Variants in SRGAP2 observed in about 807,000 individuals in gnomAD.
SRGAP2 encodes SLIT-ROBO Rho GTPase activating protein 2.
SRGAP2 carries 15 observed loss-of-function variants against 57.2 expected under a neutral mutation model. The ratio of observed to expected loss-of-function variants is 0.26; its 90% CI spans 0.18 to 0.40. The LOEUF is 0.40. SRGAP2 is among the 10% of genes least tolerant of loss of function. The probability of loss-of-function intolerance (pLI) is 1.00; values close to 1 mark genes in which losing one functional copy is unlikely to be tolerated. For missense variants in SRGAP2, 520 were observed against 669.6 expected (o/e 0.78, Z 2.47); for synonymous variants, 249 against 248.0 (o/e 1.00, Z -0.04).
At chr1:206,445,231 G>A (rs782464255) in intron 17 of SRGAP2, among the ~76,000 whole-genome samples, 4 of 152,202 alleles carry the variant, frequency 2.6e-5, no homozygotes, top group African/African-American at 4.8e-5. Flanking sequence ...ATGCCTGGAC[G>A]GGCAAGGCCC....
chr1:206,409,869 C>T (rs1232987710), intron 10 of SRGAP2, among the ~76,000 whole-genome samples: 22 of 151,056 alleles, frequency 1.5e-4, no homozygotes, highest in African/African-American at 3.7e-4. Flanking sequence ...GAGGCCGAGG[C>T]AGGCGGATCA....
Position 206,462,970 on chromosome 1 carries a change from G to A in SRGAP2, c.*1550G>A, listed in dbSNP as rs1424616692. 6.6e-6 allele frequency: 1 copy of A among 152,186 alleles called. No individual in the cohort carries two copies. The highest frequency in any genetic ancestry group is 2.4e-5 in the African/African-American group (1 of 41,434). The allele number at this position is 152,186 out of a possible 1,614,324, so 9.4% of individuals were successfully genotyped here. A position where few individuals can be genotyped will look rare whatever the true frequency, so the allele number is the denominator to read the frequency against. ...AAGCTGAAACTCATCCTTCTTCTCT[G>A]TGTTTTCTGGTTTAAAAGCTGCACT... On this transcript the variant is annotated 3_prime_UTR_variant, in exon 23 of 23. Transcript: ENST00000573034.
chr1:206,361,428 TGAACAA>T (rs1244691442), intron 4 of SRGAP2, among the ~76,000 whole-genome samples: 1 of 151,078 alleles, frequency 6.6e-6, no homozygotes, highest in African/African-American at 2.5e-5. Flanking sequence ...ATCTATAAAC[TGAACAA>T]GAAGCATACT....
chr1:206,222,655 T>C (rs1419078118), intron 2 of SRGAP2, among the ~76,000 whole-genome samples: 4 of 146,426 alleles, frequency 2.7e-5, no homozygotes, highest in African/African-American at 7.6e-5. Context: ...GGCAACATTT[T>C]GGAGATCCTG....
intron 19 of SRGAP2, among the ~76,000 whole-genome samples, chr1:206,451,577 A>G (rs1159879330): frequency 6.7e-6 from 1 of 149,800 alleles, no homozygotes; most frequent in African/African-American, 2.4e-5. Flanking sequence ...TCAAAGGAGA[A>G]AAAAAAAAAA....
intron 2 of SRGAP2, among the ~76,000 whole-genome samples, chr1:206,253,621 G>T (rs544794979): frequency 2.2e-5 from 3 of 134,970 alleles, no homozygotes; most frequent in Admixed American, 7.8e-5. Flanking sequence ...CGTCCCCCAG[G>T]CTGGAGTGCA....
At chr1:206,440,999 C>T (rs945217995) in intron 17 of SRGAP2, among the ~76,000 whole-genome samples, 5 of 152,170 alleles carry the variant, frequency 3.3e-5, no homozygotes, top group Non-Finnish European at 5.9e-5. Flanking sequence ...GTCTGGAGAG[C>T]GGTGAGGAGG....
At chr1:206,439,526 C>T (rs1382745647) in intron 16 of SRGAP2, among the ~76,000 whole-genome samples, 2 of 151,952 alleles carry the variant, frequency 1.3e-5, no homozygotes, top group Admixed American at 1.3e-4. Context: ...TGAGCAGTTA[C>T]AGCAGGTTGG....
intron 3 of SRGAP2, among the ~76,000 whole-genome samples, chr1:206,307,572 G>A (rs1182757230): frequency 2.0e-5 from 3 of 152,212 alleles, no homozygotes; most frequent in Non-Finnish European, 2.9e-5. Context: ...CAGACATGGC[G>A]GGCTGCAGGT....
At chr1:206,442,808 A>G (rs1209900287) in intron 17 of SRGAP2, among the ~76,000 whole-genome samples, 1 of 152,236 alleles carries the variant, frequency 6.6e-6, no homozygotes, top group Non-Finnish European at 1.5e-5. Flanking sequence ...ACAGGTGTGC[A>G]CTTCCGGACA....
chr1:206,322,535 G>T (rs1410049174), intron 3 of SRGAP2, among the ~76,000 whole-genome samples: 1 of 145,656 alleles, frequency 6.9e-6, no homozygotes, highest in African/African-American at 2.6e-5. Flanking sequence ...AGCCGAGATC[G>T]TGCCACTGCA....
intron 2 of SRGAP2, among the ~76,000 whole-genome samples, chr1:206,238,843 C>T (rs1248169915): frequency 8.0e-5 from 12 of 149,692 alleles, no homozygotes; most frequent in Non-Finnish European, 1.8e-4. Context: ...TCCCAGGCCA[C>T]TCACTTGTTG....
In SRGAP2 at chr1:206,454,687, T is replaced by G. The variant is rs1429214852; in HGVS notation, c.2361-191T>G. On this transcript the variant is annotated intron_variant, in intron 20 of 22. Coordinates refer to ENST00000573034, the MANE Select transcript of SRGAP2 (RefSeq NM_015326.5). The surrounding 1 kb of genome is among the most constrained non-coding windows in gnomAD (Gnocchi z 4.3). Reference sequence around the variant, plus strand: ...AACTCAGCGGATTATTTATTTTTATTTAAACGACCCTTCAAAGGCCCTTAG... The same window carrying G: ...AACTCAGCGGATTATTTATTTTTATGTAAACGACCCTTCAAAGGCCCTTAG... 1.8e-6 allele frequency: 1 copy of G among 563,112 alleles called. No individual in the cohort carries two copies. The highest frequency in any genetic ancestry group is 3.1e-6 in the Non-Finnish European group (1 of 320,316). 34.9% of individuals were successfully genotyped at this position (563,112 alleles called of 1,614,324 possible). A position where few individuals can be genotyped will look rare whatever the true frequency, so the allele number is the denominator to read the frequency against.
intron 2 of SRGAP2, among the ~76,000 whole-genome samples, chr1:206,213,657 C>T (rs1666454591): frequency 1.3e-5 from 2 of 152,132 alleles, no homozygotes; most frequent in South Asian, 4.2e-4. Flanking sequence ...TGGTGGCTTA[C>T]ATCTGTAATC....
At chr1:206,244,877 T>C (rs528131956) in intron 2 of SRGAP2, among the ~76,000 whole-genome samples, 1 of 151,620 alleles carries the variant, frequency 6.6e-6, no homozygotes, top group South Asian at 2.1e-4. Context: ...TCTCCTGATT[T>C]GATATAGATT....
chr1:206,325,051 G>A, intron 3 of SRGAP2, among the ~76,000 whole-genome samples: 2 of 110,652 alleles, frequency 1.8e-5, no homozygotes, highest in Non-Finnish European at 3.5e-5. Flanking sequence ...TTCTTTAGAA[G>A]AGAATCCTCA....
chr1:206,440,788 G>T (rs1205180960), intron 17 of SRGAP2, among the ~76,000 whole-genome samples: 1 of 152,212 alleles, frequency 6.6e-6, no homozygotes, highest in Non-Finnish European at 1.5e-5. Flanking sequence ...CTCGTGATGT[G>T]CCCACCTCAG....
chr1:206,454,697 C>T lies in SRGAP2; in HGVS notation c.2361-181C>T, dbSNP rs1423803720. 1 of 575,080 alleles carries T rather than the reference C, an allele frequency of 1.7e-6. No homozygotes were observed. Among genetic ancestry groups the T allele is most frequent in the African/African-American group, 1.9e-5 (1 of 52,870 alleles). The allele number at this position is 575,080 out of a possible 1,614,324, so 35.6% of individuals were successfully genotyped here. On this transcript the variant is annotated intron_variant, in intron 20 of 22. Transcript: ENST00000573034. This position sits in a 1 kb window ranked among gnomAD's most constrained non-coding sequence, Gnocchi z 4.3. ...ATTATTTATTTTTATTTAAACGACC[C>T]TTCAAAGGCCCTTAGGTTTCCTTGC...
Position 206,421,280 on chromosome 1 carries a change from G to A in SRGAP2, c.1494+6G>A, listed in dbSNP as rs1168701302. 6 of 778,444 alleles carry A rather than the reference G, an allele frequency of 7.7e-6. No homozygotes were observed. Among genetic ancestry groups the A allele is most frequent in the Non-Finnish European group, 1.4e-5 (6 of 417,006 alleles). 48.2% of individuals were successfully genotyped at this position (778,444 alleles called of 1,614,324 possible). A position where few individuals can be genotyped will look rare whatever the true frequency, so the allele number is the denominator to read the frequency against. On this transcript the variant is annotated splice_donor_region_variant and intron_variant, in intron 13 of 22. Coordinates refer to ENST00000573034, the MANE Select transcript of SRGAP2 (RefSeq NM_015326.5). ...GCTCAACTGTGAGGAAACAGGTAAG[G>A]GCCCAAGCGGGGCCAGGCTGGTCTG...
Sources: gnomAD v4.1 joint callset for allele counts (sites outside exome capture counted in the v4.1 genomes callset) on GRCh38, gnomAD v4.1.1 for gene constraint, Gnocchi (gnomAD v3.1) non-coding constraint, MANE v1.5 for transcripts, NCBI Gene and HGNC (gene_info 2026-07-23, HGNC 2026-07-21) for gene names.